Variants in CHODL observed in about 807,000 individuals in gnomAD.
The protein encoded by CHODL is chondrolectin, also known as transmembrane protein MT75.
Under a neutral mutation model 34.5 loss-of-function variants are expected in CHODL, and 29 were observed. The observed-to-expected ratio is 0.84, with a 90% CI of 0.63 to 1.15. CHODL has a LOEUF of 1.15. Ranked by LOEUF, CHODL falls within the 50% of genes most tolerant of loss-of-function variation. The pLI is 0.00. For synonymous variants in CHODL, 125 were observed against 116.1 expected, an observed-to-expected ratio of 1.08 and a Z score of -0.49; for missense variants, 332 against 332.5, an observed-to-expected ratio of 1.00 and a Z score of 0.01.
At chr21:18,241,946 A>AATAG (rs1650048645), upstream of CHODL, among the ~76,000 whole-genome samples, 1 of 151,912 alleles carries the variant, frequency 6.6e-6, no homozygotes, top group African/African-American at 2.4e-5. Context: ...TTAGGTGTTG[A>AATAG]ATAGATGCTG....
intron 2 of CHODL, among the ~76,000 whole-genome samples, chr21:18,104,402 C>T (rs1342783504): frequency 1.3e-5 from 2 of 152,092 alleles, no homozygotes; most frequent in African/African-American, 4.8e-5. Context: ...CTTGCTTCCC[C>T]TTCGCCTTCC....
intron 2 of CHODL, among the ~76,000 whole-genome samples, chr21:18,136,357 A>G (rs1253768285): frequency 1.3e-5 from 2 of 152,052 alleles, no homozygotes; most frequent in Non-Finnish European, 2.9e-5. Context: ...TTTTCTCAAA[A>G]TCATTGAGCA....
intron 2 of CHODL, among the ~76,000 whole-genome samples, chr21:18,161,395 A>G (rs2073093748): frequency 6.6e-6 from 1 of 152,170 alleles, no homozygotes; most frequent in Non-Finnish European, 1.5e-5. Flanking sequence ...ACCTTAAGAT[A>G]TAATATTTGA....
chr21:17,999,038 CAG>C (rs749588802), intron 1 of CHODL, among the ~76,000 whole-genome samples: 8 of 151,948 alleles, frequency 5.3e-5, no homozygotes, highest in Non-Finnish European at 1.2e-4. Flanking sequence ...CCTTTTAAAA[CAG>C]AATGCTTTTG....
intron 2 of CHODL, among the ~76,000 whole-genome samples, chr21:18,188,423 AT>A (rs1459995242): frequency 6.6e-6 from 1 of 152,202 alleles, no homozygotes; most frequent in African/African-American, 2.4e-5. Flanking sequence ...AAAACATTTA[AT>A]TTCCCCCAGA....
intron 2 of CHODL, among the ~76,000 whole-genome samples, chr21:18,194,768 T>C (rs189466272): frequency 4.6e-4 from 70 of 152,162 alleles, no homozygotes; most frequent in African/African-American, 1.6e-3. Flanking sequence ...TTGTGGGAAA[T>C]TTAAGATCTA....
intron 2 of CHODL, among the ~76,000 whole-genome samples, chr21:18,055,339 C>A (rs1247572785): frequency 6.6e-6 from 1 of 152,030 alleles, no homozygotes; most frequent in African/African-American, 2.4e-5. Flanking sequence ...TTCCACTCTA[C>A]CCTCTCCTGA....
chr21:18,098,202 G>A (rs1303222409), intron 2 of CHODL, among the ~76,000 whole-genome samples: 2 of 151,828 alleles, frequency 1.3e-5, no homozygotes, highest in African/African-American at 4.8e-5. Context: ...GAGCAAAAAG[G>A]AACAAATGGG....
chr21:18,067,745 T>C (rs1396757821), intron 2 of CHODL, among the ~76,000 whole-genome samples: 1 of 152,184 alleles, frequency 6.6e-6, no homozygotes, highest in Non-Finnish European at 1.5e-5. Flanking sequence ...TAACTGGCAA[T>C]CATAGAGTGT....
intron 1 of CHODL, among the ~76,000 whole-genome samples, chr21:18,002,523 C>T (rs2063916231): frequency 6.6e-6 from 1 of 152,174 alleles, no homozygotes; most frequent in Non-Finnish European, 1.5e-5. Flanking sequence ...GATAGCTGCT[C>T]TGAGACATAC....
chr21:17,944,413 C>T (rs899352416), intron 1 of CHODL, among the ~76,000 whole-genome samples: 3 of 152,326 alleles, frequency 2.0e-5, no homozygotes, highest in South Asian at 2.1e-4. Flanking sequence ...AATGTAACAG[C>T]TAGTCCTGCT....
chr21:18,007,122 A>AT (rs1276516760), intron 1 of CHODL, among the ~76,000 whole-genome samples: 3 of 152,204 alleles, frequency 2.0e-5, no homozygotes, highest in Non-Finnish European at 4.4e-5. Flanking sequence ...GTGGAATTGA[A>AT]TTTTAAAAAA....
intron 1 of CHODL, among the ~76,000 whole-genome samples, chr21:17,997,895 C>T (rs927271604): frequency 5.9e-5 from 9 of 152,034 alleles, no homozygotes; most frequent in Non-Finnish European, 1.0e-4. Context: ...ATAATTCCAC[C>T]CCTGGCCCCT....
chr21:18,061,455 A>G (rs2064664394), intron 2 of CHODL, among the ~76,000 whole-genome samples: 1 of 152,234 alleles, frequency 6.6e-6, no homozygotes, highest in South Asian at 2.1e-4. Context: ...TAGATGACAG[A>G]GATGAAATGA....
chr21:18,084,914 A>G (rs2064985478), intron 2 of CHODL, among the ~76,000 whole-genome samples: 1 of 126,372 alleles, frequency 7.9e-6, no homozygotes, highest in Non-Finnish European at 1.6e-5. Flanking sequence ...TGTTAGGTCT[A>G]GTAATAGTGT....
chr21:17,987,749 G>C (rs1250975970), intron 1 of CHODL, among the ~76,000 whole-genome samples: 1 of 152,144 alleles, frequency 6.6e-6, no homozygotes, highest in Admixed American at 6.6e-5. Context: ...TGGTGAGAAA[G>C]TATGAGGGGA....
rs560994619 is a variant in CHODL, at chr21:18,016,358, T to C, written c.-144-11514T>C. ...AAGCCGCAAGCCTTGGTGGCTTCCA[T>C]GTGGTATTGGTCCTGTGGGTGCGAA... On this transcript the variant is annotated intron_variant, in intron 1 of 6. Transcript: ENST00000400127. 2.6e-5 allele frequency among the ~76,000 whole-genome samples: 4 copies of C among 152,288 alleles called. No homozygotes were observed. In the East Asian group the frequency reaches 5.8e-4, roughly 22 times the overall value.
intron 2 of CHODL, among the ~76,000 whole-genome samples, chr21:18,177,268 A>G (rs1166627706): frequency 6.6e-6 from 1 of 152,084 alleles, no homozygotes; most frequent in Non-Finnish European, 1.5e-5. Flanking sequence ...TAGTAAACCT[A>G]TTTTGTGGTT....
At chr21:18,032,702 C>T (rs539678023) in intron 2 of CHODL, among the ~76,000 whole-genome samples, 151 of 151,888 alleles carry the variant, frequency 9.9e-4, no homozygotes, top group African/African-American at 3.5e-3. Flanking sequence ...CTCTTATTTC[C>T]TTTTTTTTCC....
Sources: gnomAD v4.1 joint callset for allele counts (sites outside exome capture counted in the v4.1 genomes callset) on GRCh38, gnomAD v4.1.1 for gene constraint, MANE v1.5 for transcripts, NCBI Gene and HGNC (gene_info 2026-07-23, HGNC 2026-07-21) for gene names.